Variants in TRPM3 observed in about 807,000 individuals in gnomAD.
TRPM3 encodes long transient receptor potential channel 3.
Under a neutral mutation model 181.2 loss-of-function variants are expected in TRPM3, and 77 were observed. That is an observed-to-expected ratio of 0.42 (90% CI 0.35 to 0.51). TRPM3 has a LOEUF of 0.51. Ranked by LOEUF, TRPM3 falls within the 20% of genes least tolerant of loss-of-function variation. TRPM3 has a pLI of 0.01. For missense variants in TRPM3, 1,759 were observed against 2,196.7 expected, an observed-to-expected ratio of 0.80 and a Z score of 3.98; for synonymous variants, 745 against 796.4, an observed-to-expected ratio of 0.94 and a Z score of 1.09.
intron 22 of TRPM3, among the ~76,000 whole-genome samples, chr9:70,580,833 T>C (rs2055455642): frequency 6.6e-6 from 1 of 152,234 alleles, no homozygotes. Context: ...GTTCTTTCCT[T>C]TGAGCTAAGT....
At chr9:70,659,308 G>A (rs1051119010) in intron 9 of TRPM3, among the ~76,000 whole-genome samples, 2 of 152,016 alleles carry the variant, frequency 1.3e-5, no homozygotes, top group Non-Finnish European at 2.9e-5. Flanking sequence ...CTGACCGGTG[G>A]TAAGTAAAGA....
At chr9:71,321,389 G>T (rs939740874) in intron 1 of TRPM3, among the ~76,000 whole-genome samples, 3 of 152,128 alleles carry the variant, frequency 2.0e-5, no homozygotes, top group Non-Finnish European at 2.9e-5. Context: ...TGCAACCAAA[G>T]TGATTGTCCT....
chr9:70,771,374 C>T (rs1424266305), intron 7 of TRPM3, among the ~76,000 whole-genome samples: 2 of 152,130 alleles, frequency 1.3e-5, no homozygotes, highest in African/African-American at 4.8e-5. Context: ...GATTTAGAAG[C>T]CAAGAGAATC....
intron 1 of TRPM3, among the ~76,000 whole-genome samples, chr9:71,232,093 A>C (rs369776893): frequency 6.6e-6 from 1 of 152,202 alleles, no homozygotes; most frequent in African/African-American, 2.4e-5. Flanking sequence ...TTTACAAGTT[A>C]AAAATGATGG....
In TRPM3 at chr9:70,999,862, C is replaced by G. The variant is rs557108700; in HGVS notation, c.177+121316G>C. Among the ~76,000 whole-genome samples the G allele has an allele frequency of 8.5e-4, 129 of 152,300 alleles. 1 individual carries two copies. The highest frequency in any genetic ancestry group is 1.5e-3 in the Non-Finnish European group (102 of 68,024). ...CTACGGCTTTCAGGAGCATCTGAAA[C>G]AATCCACAGTGTGTTTAGCAGAAGT... is the stretch of plus-strand genomic sequence containing the variant. On this transcript the variant is annotated intron_variant, in intron 1 of 25. Coordinates refer to ENST00000677713, the MANE Select transcript of TRPM3 (RefSeq NM_001366145.2).
intron 1 of TRPM3, among the ~76,000 whole-genome samples, chr9:71,181,775 T>C (rs2077418939): frequency 6.6e-6 from 1 of 152,168 alleles, no homozygotes; most frequent in Non-Finnish European, 1.5e-5. Context: ...ATGTTATGAC[T>C]GGACTAACAG....
intron 1 of TRPM3, among the ~76,000 whole-genome samples, chr9:71,002,954 T>A (rs1045268553): frequency 2.6e-5 from 4 of 152,194 alleles, no homozygotes; most frequent in African/African-American, 9.7e-5. Flanking sequence ...ATTGTCATTG[T>A]TATTGATGTT....
intron 1 of TRPM3, among the ~76,000 whole-genome samples, chr9:71,235,956 C>T (rs2081329514): frequency 6.6e-6 from 1 of 152,180 alleles, no homozygotes; most frequent in African/African-American, 2.4e-5. Flanking sequence ...TCATAACTTA[C>T]TTTATTTGTT....
At chr9:70,579,125 G>A (rs1346355113) in intron 22 of TRPM3, 1 of 152,282 alleles carries the variant, frequency 6.6e-6, no homozygotes, top group Non-Finnish European at 1.5e-5. Context: ...TCAGACCTTT[G>A]AGTTTCCTGG....
intron 1 of TRPM3, among the ~76,000 whole-genome samples, chr9:71,359,472 C>T (rs2092050848): frequency 6.6e-6 from 1 of 152,170 alleles, no homozygotes; most frequent in African/African-American, 2.4e-5. Flanking sequence ...TTTAAACCAA[C>T]ATAATTTAAA....
chr9:71,016,629 G>A (rs901406650), intron 1 of TRPM3, among the ~76,000 whole-genome samples: 35 of 152,180 alleles, frequency 2.3e-4, no homozygotes, highest in African/African-American at 8.4e-4. Flanking sequence ...GCCATTATGT[G>A]TATATTCCAC....
Position 71,032,066 on chromosome 9 carries a change from AT to A in TRPM3, c.177+89111del, listed in dbSNP as rs1274307548. 8.2e-4 allele frequency among the ~76,000 whole-genome samples: 6 copies of A among 7,320 alleles called. No individual in the cohort carries two copies. The Admixed American group carries it at 0.01, about 13-fold the overall frequency. The allele number at this position is 7,320 out of a possible 152,430, so 4.8% of individuals were successfully genotyped here. ...TATATATATTATATATATTATATAT[AT>A]TATATTATATTATATATATATAATT... On this transcript the variant is annotated intron_variant, in intron 1 of 25. Transcript: ENST00000677713.
At chr9:71,411,822 G>A (rs528150866) in intron 1 of TRPM3, among the ~76,000 whole-genome samples, 2 of 152,278 alleles carry the variant, frequency 1.3e-5, no homozygotes, top group South Asian at 4.1e-4. Flanking sequence ...AAAGCCGGAG[G>A]CATCATGCTA....
intron 1 of TRPM3, among the ~76,000 whole-genome samples, chr9:71,128,611 C>T (rs1006087090): frequency 9.2e-5 from 14 of 152,134 alleles, no homozygotes; most frequent in Admixed American, 8.5e-4. Flanking sequence ...CATGTAAGCA[C>T]AAATACACAC....
chr9:70,651,443 G>C (rs1362717599), intron 9 of TRPM3, among the ~76,000 whole-genome samples: 1 of 152,114 alleles, frequency 6.6e-6, no homozygotes, highest in Non-Finnish European at 1.5e-5. Flanking sequence ...ACTCCCTCCT[G>C]TAAGCATGGC....
intron 1 of TRPM3, among the ~76,000 whole-genome samples, chr9:71,192,226 G>C (rs1388934615): frequency 1.3e-5 from 2 of 151,612 alleles, no homozygotes; most frequent in Non-Finnish European, 1.5e-5. Context: ...GGGAGATTTG[G>C]GAATTTGAAT....
intron 1 of TRPM3, among the ~76,000 whole-genome samples, chr9:71,437,066 G>T (rs1303862717): frequency 1.3e-5 from 2 of 152,050 alleles, no homozygotes; most frequent in Non-Finnish European, 2.9e-5. Context: ...AAAATCTAAG[G>T]CCTGACAGTA....
At chr9:70,916,499 A>G (rs1222066354) in intron 1 of TRPM3, among the ~76,000 whole-genome samples, 1 of 152,188 alleles carries the variant, frequency 6.6e-6, no homozygotes, top group Non-Finnish European at 1.5e-5. Flanking sequence ...AGTGGGGGGC[A>G]CAAAGTTAAG....
chr9:71,304,687 G>C (rs899587684), intron 1 of TRPM3, among the ~76,000 whole-genome samples: 2 of 152,158 alleles, frequency 1.3e-5, no homozygotes, highest in African/African-American at 4.8e-5. Context: ...AATTGTATCT[G>C]CAAAAGTTAT....
Sources: allele counts gnomAD v4.1 joint callset (sites outside exome capture counted in the v4.1 genomes callset), GRCh38; gene constraint gnomAD v4.1.1; transcripts MANE v1.5; gene names NCBI Gene and HGNC (gene_info 2026-07-23, HGNC 2026-07-21).